The following MCPH1 variants were observed in gnomAD, a reference collection of about 807,000 sequenced individuals.
MCPH1 encodes microcephalin 1, also known as microcephalin.
In MCPH1, 104 loss-of-function variants were observed where a neutral mutation model predicts 84.5. The ratio of observed to expected loss-of-function variants is 1.23; its 90% confidence interval spans 1.05 to 1.45. The LOEUF (loss-of-function observed/expected upper bound fraction) is 1.45. Ranked by LOEUF, MCPH1 falls within the 40% of genes most tolerant of loss-of-function variation. The pLI, the probability that MCPH1 is intolerant of heterozygous loss-of-function variation, is 0.00. For missense variants in MCPH1, 1,498 were observed against 1,005.7 expected, an observed-to-expected ratio of 1.49 and a Z score of -6.62; for synonymous variants, 514 against 366.8, an observed-to-expected ratio of 1.40 and a Z score of -4.58.
chr8:6,486,262 ATC>A (rs56247663), intron 11 of MCPH1, among the ~76,000 whole-genome samples: 93,026 of 146,934 alleles, frequency 0.63, 30,252 homozygotes, highest in East Asian at 0.75. Flanking sequence ...TGTACAAGGA[ATC>A]TCTCTCTCTC....
At chr8:6,471,648 T>A (rs1327011339) in intron 9 of MCPH1, among the ~76,000 whole-genome samples, 2 of 152,242 alleles carry the variant, frequency 1.3e-5, no homozygotes, top group Non-Finnish European at 2.9e-5. Context: ...TAATTTTTGT[T>A]CCACTTGATC....
At chr8:6,501,492 C>A (rs190903334) in intron 12 of MCPH1, 1 of 151,580 alleles carries the variant, frequency 6.6e-6, no homozygotes, top group East Asian at 1.9e-4. Flanking sequence ...GTTAAAACTC[C>A]AGGAGTTTAT....
rs140171100 is a variant in MCPH1, at chr8:6,544,245, A to G, written c.2214+44316A>G. 3.3e-5 allele frequency among the ~76,000 whole-genome samples: 5 copies of G among 152,316 alleles called. No homozygotes were observed. In the East Asian group the frequency reaches 7.7e-4, roughly 23 times the overall value. On this transcript the variant is annotated intron_variant, in intron 12 of 13. Coordinates refer to ENST00000344683, the MANE Select transcript of MCPH1 (RefSeq NM_024596.5). ...AGCTGGGACCTCTGTTTATTATGGA[A>G]GACCATAGAAAACCCCATAAACACG...
At chr8:6,624,947 C>G (rs940976224) in intron 13 of MCPH1, 4 of 765,130 alleles carry the variant, frequency 5.2e-6, no homozygotes, top group Non-Finnish European at 6.4e-6. Context: ...GAGATCTCAG[C>G]TCACTGCAAC....
At chr8:6,544,345 T>C (rs1324138526) in intron 12 of MCPH1, among the ~76,000 whole-genome samples, 1 of 152,140 alleles carries the variant, frequency 6.6e-6, no homozygotes, top group African/African-American at 2.4e-5. Flanking sequence ...GTGATGATTA[T>C]AGTTTGACTG....
At chr8:6,544,392 T>A (rs1468039778) in intron 12 of MCPH1, among the ~76,000 whole-genome samples, 2 of 152,348 alleles carry the variant, frequency 1.3e-5, no homozygotes, top group East Asian at 3.9e-4. Flanking sequence ...ACATGGTGAT[T>A]ATGACTTTGG....
chr8:6,454,231 G>T (rs200771019), intron 8 of MCPH1, among the ~76,000 whole-genome samples: 2 of 152,074 alleles, frequency 1.3e-5, no homozygotes, highest in East Asian at 3.9e-4. Flanking sequence ...CCTAAGTGTG[G>T]GACTATATCT....
intron 12 of MCPH1, among the ~76,000 whole-genome samples, chr8:6,589,645 C>G (rs1480829051): frequency 6.6e-6 from 1 of 152,200 alleles, no homozygotes; most frequent in Non-Finnish European, 1.5e-5. Context: ...GATAGAATGT[C>G]TAACTGTGCT....
At chr8:6,481,939 A>G (rs1329867055) in intron 11 of MCPH1, among the ~76,000 whole-genome samples, 1 of 152,226 alleles carries the variant, frequency 6.6e-6, no homozygotes, top group Non-Finnish European at 1.5e-5. Context: ...ACAATTTATA[A>G]GTCTTTAAAT....
chr8:6,623,569 T>C (rs987531670), intron 13 of MCPH1, among the ~76,000 whole-genome samples: 2 of 152,110 alleles, frequency 1.3e-5, no homozygotes, highest in Non-Finnish European at 2.9e-5. Context: ...ACGGACATTT[T>C]ACAAGTATCT....
chr8:6,441,935 A>G, intron 6 of MCPH1, 132 bp from the exon 7 acceptor site: 1 of 677,924 alleles, frequency 1.5e-6, no homozygotes, highest in Non-Finnish European at 2.6e-6. Flanking sequence ...GTTGACTTTA[A>G]GATCCCTTCT....
At chr8:6,576,941 T>G (rs1026283822) in intron 12 of MCPH1, among the ~76,000 whole-genome samples, 12 of 152,038 alleles carry the variant, frequency 7.9e-5, no homozygotes, top group African/African-American at 2.9e-4. Context: ...GGCGCCTCCT[T>G]TGAAATCTGA....
At chr8:6,446,771 T>C in intron 8 of MCPH1, 1 of 985,162 alleles carries the variant, frequency 1.0e-6, no homozygotes, top group Non-Finnish European at 1.2e-6. Flanking sequence ...AAATGTAAAT[T>C]AAGTAGGAAA....
At chr8:6,535,270 A>G (rs1380647880) in intron 12 of MCPH1, among the ~76,000 whole-genome samples, 2 of 152,132 alleles carry the variant, frequency 1.3e-5, no homozygotes, top group South Asian at 2.1e-4. Context: ...TGTGTTTGCA[A>G]CTCTCCAGAG....
intron 13 of MCPH1, among the ~76,000 whole-genome samples, chr8:6,624,085 C>T (rs1172611328): frequency 6.6e-6 from 1 of 152,252 alleles, no homozygotes; most frequent in East Asian, 1.9e-4. Context: ...GTCACGCTTG[C>T]TCGGCAGCTG....
Position 6,598,553 on chromosome 8 carries a change from A to T in MCPH1, c.2215-22901A>T, listed in dbSNP as rs143185426. Among the ~76,000 whole-genome samples the T allele has an allele frequency of 4.6e-3, 695 of 152,318 alleles. 3 individuals are homozygous for T. Among genetic ancestry groups the T allele is most frequent in the African/African-American group, 0.016 (662 of 41,566 alleles). On this transcript the variant is annotated intron_variant, in intron 12 of 13. Transcript: ENST00000344683. ...GGCTGGGAGAGGCACACACCAGAAC[A>T]GCTCTCCTCGGGGCAAAGCAGGCTT... is the stretch of plus-strand genomic sequence containing the variant.
intron 3 of MCPH1, among the ~76,000 whole-genome samples, chr8:6,430,224 T>C (rs1801639817): frequency 6.6e-6 from 1 of 152,220 alleles, no homozygotes; most frequent in Non-Finnish European, 1.5e-5. Context: ...CTGCACTGTG[T>C]TCTTTTTTAA....
At chr8:6,639,504 A>T (rs1797785139) in intron 13 of MCPH1, among the ~76,000 whole-genome samples, 1 of 152,206 alleles carries the variant, frequency 6.6e-6, no homozygotes, top group South Asian at 2.1e-4. Context: ...CTACAAAAAA[A>T]ATTTTAAAAG....
intron 8 of MCPH1, among the ~76,000 whole-genome samples, chr8:6,447,831 G>A (rs989883749): frequency 1.3e-5 from 2 of 152,196 alleles, no homozygotes; most frequent in Admixed American, 1.3e-4. Flanking sequence ...TTACAGGCGT[G>A]AGCTACCGCG....
Sources: gnomAD v4.1 joint callset for allele counts (sites outside exome capture counted in the v4.1 genomes callset) on GRCh38, gnomAD v4.1.1 for gene constraint, MANE v1.5 for transcripts, NCBI Gene and HGNC (gene_info 2026-07-23, HGNC 2026-07-21) for gene names.